The following MTTP variants were observed in gnomAD, a reference collection of about 807,000 sequenced individuals.
MTTP encodes microsomal triglyceride transfer protein.
In MTTP, 49 loss-of-function variants were observed where a neutral mutation model predicts 90.6. The observed-to-expected ratio is 0.54, with a 90% CI of 0.43 to 0.69. The LOEUF (loss-of-function observed/expected upper bound fraction) is 0.69, where lower values mean the gene tolerates loss of function less well. Ranked by LOEUF, MTTP falls within the 30% of genes least tolerant of loss-of-function variation. The pLI is 0.00. For missense variants in MTTP, 945 were observed against 1,067.5 expected (o/e 0.89, Z 1.60); for synonymous variants, 347 against 384.2 (o/e 0.90, Z 1.13).
At chr4:99,600,499 T>G in intron 8 of MTTP, 66 bp from the exon 9 acceptor site, 2 of 1,466,154 alleles carry the variant, frequency 1.4e-6, no homozygotes, top group Non-Finnish European at 1.9e-6. Context: ...ACTCTGTGAA[T>G]GGTAGAGATT....
intron 15 of MTTP, among the ~76,000 whole-genome samples, chr4:99,614,497 T>C (rs1726051564): frequency 6.6e-6 from 1 of 152,228 alleles, no homozygotes; most frequent in Admixed American, 6.5e-5. Flanking sequence ...AAAAGCAATT[T>C]AGAGTGGCTT....
chr4:99,598,059 A>G (rs965244223), intron 8 of MTTP, among the ~76,000 whole-genome samples: 1 of 152,204 alleles, frequency 6.6e-6, no homozygotes, highest in African/African-American at 2.4e-5. Flanking sequence ...ATTCCCCAAC[A>G]GGAGGAAAAT....
rs190678200 is a variant in MTTP at position 99,581,911 on chromosome 4, C to T, written c.68C>T (p.Thr23Ile). 6.2e-7 allele frequency: 1 copy of T among 1,614,124 alleles called. No individual in the cohort carries two copies. The highest frequency in any genetic ancestry group is 1.7e-5 in the Admixed American group (1 of 60,022). Residue 23 changes from threonine (T) to isoleucine (I), a missense_variant, in exon 2 of 18, where the codon ACA becomes ATA. Coordinates refer to ENST00000265517, the MANE Select transcript of MTTP (RefSeq NM_001386140.1). ...TGTCATTATCTTTATGCAGGTCACA[C>T]AACTGGTCTCTCATTAAATAATGAC... ...SSYSASVKGH[T>I]TGLSLNNDRL...
chr4:99,579,148 C>T (rs766310836), intron 1 of MTTP, among the ~76,000 whole-genome samples: 2 of 152,306 alleles, frequency 1.3e-5, no homozygotes, highest in East Asian at 3.9e-4. Flanking sequence ...TGTGTATACA[C>T]ATAGATCCTT....
At chr4:99,574,154 C>T (rs1578229664), upstream of MTTP, among the ~76,000 whole-genome samples, 1 of 152,170 alleles carries the variant, frequency 6.6e-6, no homozygotes, top group African/African-American at 2.4e-5. Context: ...GGAACTCAGA[C>T]AAATGTGTGT....
intron 8 of MTTP, 95 bp downstream of exon 8, chr4:99,597,319 C>T: frequency 2.2e-6 from 3 of 1,346,394 alleles, no homozygotes; most frequent in South Asian, 2.4e-5. Flanking sequence ...AAACCAACTG[C>T]CCCACCACCA....
chr4:99,601,186 T>C (rs1038755499), intron 9 of MTTP, among the ~76,000 whole-genome samples: 1 of 152,182 alleles, frequency 6.6e-6, no homozygotes, highest in Non-Finnish European at 1.5e-5. Context: ...ATGTTATCTA[T>C]TTAATTGCAC....
chr4:99,588,414 A>G (rs1725310549), intron 3 of MTTP, among the ~76,000 whole-genome samples: 1 of 152,126 alleles, frequency 6.6e-6, no homozygotes, highest in African/African-American at 2.4e-5. Context: ...AAAACCAACA[A>G]GCTGATTTTC....
At chr4:99,608,119 A>C (rs7698798) in intron 11 of MTTP, among the ~76,000 whole-genome samples, 71,699 of 152,078 alleles carry the variant, frequency 0.47, 19,898 homozygotes, top group African/African-American at 0.76. Context: ...GCTGCAATAA[A>C]AAATGTCCCT....
chr4:99,576,712 A>AG (rs1438494108), intron 1 of MTTP, among the ~76,000 whole-genome samples: 1 of 151,238 alleles, frequency 6.6e-6, no homozygotes, highest in East Asian at 1.9e-4. Flanking sequence ...AAAAAAAAAA[A>AG]AAAAAATTTA....
intron 6 of MTTP, 74 bp downstream of exon 6, chr4:99,591,864 C>CTGTGTT (rs1725431478): frequency 7.4e-7 from 1 of 1,350,152 alleles, no homozygotes; most frequent in Non-Finnish European, 1.0e-6. Context: ...GTAAATAGAT[C>CTGTGTT]TGTGTTTGTG....
intron 8 of MTTP, among the ~76,000 whole-genome samples, chr4:99,597,930 A>T (rs1285056982): frequency 2.0e-5 from 3 of 152,204 alleles, no homozygotes; most frequent in Non-Finnish European, 4.4e-5. Flanking sequence ...ATGATATAGA[A>T]CAAGGCCCAA....
chr4:99,606,994 GA>G, intron 11 of MTTP, 34 bp downstream of exon 11: 1 of 1,506,324 alleles, frequency 6.6e-7, no homozygotes, highest in East Asian at 2.3e-5. Flanking sequence ...AACATTTACA[GA>G]AGAAAAAAAA....
chr4:99,605,865 A>ATGTGTGTGTGTGTGTGTGTGTG (rs1315844209), intron 10 of MTTP, among the ~76,000 whole-genome samples: 1 of 65,300 alleles, frequency 1.5e-5, no homozygotes, highest in African/African-American at 1.5e-4. Flanking sequence ...CCCCAACCCC[A>ATGTGTGTGTGTGTGTGTGTGTG]TGTATGTGTG....
intron 8 of MTTP, 34 bp from the exon 9 acceptor site, chr4:99,600,531 A>T (rs1725668426): frequency 6.3e-7 from 1 of 1,599,284 alleles, no homozygotes; most frequent in Non-Finnish European, 8.6e-7. Context: ...CTTCCCCTAA[A>T]CATTGATATC....
At chr4:99,609,349 A>C (rs1166706689) in intron 12 of MTTP, among the ~76,000 whole-genome samples, 1 of 152,234 alleles carries the variant, frequency 6.6e-6, no homozygotes, top group Non-Finnish European at 1.5e-5. Context: ...AGTGTTAGGA[A>C]TTTTTGAAGC....
At chr4:99,578,009 A>C (rs1403861420) in intron 1 of MTTP, among the ~76,000 whole-genome samples, 1 of 151,604 alleles carries the variant, frequency 6.6e-6, no homozygotes, top group Non-Finnish European at 1.5e-5. Context: ...CTGACCCTTT[A>C]GTTTTCTGTT....
At chr4:99,616,207 A>G (rs1369123373) in intron 15 of MTTP, among the ~76,000 whole-genome samples, 1 of 152,140 alleles carries the variant, frequency 6.6e-6, no homozygotes, top group African/African-American at 2.4e-5. Context: ...CAGGCTGGGC[A>G]ACATGGTGAA....
chr4:99,593,321 C>A (rs1725475085), intron 6 of MTTP, among the ~76,000 whole-genome samples: 1 of 151,970 alleles, frequency 6.6e-6, no homozygotes, highest in South Asian at 2.1e-4. Flanking sequence ...AGTTCATTTT[C>A]TAATTTCTCT....
Sources: allele counts gnomAD v4.1 joint callset (sites outside exome capture counted in the v4.1 genomes callset), GRCh38; gene constraint gnomAD v4.1.1; transcripts MANE v1.5; gene names NCBI Gene and HGNC (gene_info 2026-07-23, HGNC 2026-07-21).